Variants in NPC1 observed in about 807,000 individuals in gnomAD.
NPC1 encodes Niemann-Pick C1 protein.
NPC1 carries 85 observed loss-of-function variants against 140.4 expected under a neutral mutation model. The observed-to-expected ratio is 0.61, with a 90% CI of 0.51 to 0.72. The LOEUF is 0.72. NPC1 is among the 30% of genes least tolerant of loss of function. NPC1 has a pLI of 0.00. For synonymous variants in NPC1, 656 were observed against 624.8 expected (o/e 1.05, Z -0.74); for missense variants, 1,504 against 1,623.8 (o/e 0.93, Z 1.27).
At position 23,541,055 on chromosome 18, in the gene NPC1, G is replaced by A; in HGVS notation, c.2514+13C>T. The A allele has an allele frequency of 6.2e-7, 1 of 1,614,032 alleles. No homozygotes were observed. The highest frequency in any genetic ancestry group is 8.5e-7 in the Non-Finnish European group (1 of 1,179,924). ...AGTGAGAGGAAAGAGAAAAACCACA[G>A]ATAAGCGCATACCACAATTGGTCTC... On this transcript the variant is annotated intron_variant, in intron 16 of 24. Transcript: ENST00000269228.
intron 5 of NPC1, 122 bp from the exon 6 acceptor site, chr18:23,560,602 T>TTG (rs1240240467): frequency 1.9e-6 from 2 of 1,061,588 alleles, no homozygotes; most frequent in African/African-American, 3.2e-5. Context: ...AGAAAAAGAA[T>TTG]TGGAGGTTTT....
intron 3 of NPC1, chr18:23,516,140 C>T: frequency 7.4e-7 from 1 of 1,360,136 alleles, no homozygotes; most frequent in South Asian, 1.3e-5. Flanking sequence ...CTCTGTATAC[C>T]CGTCAGCTCC....
chr18:23,536,772 G>C lies in NPC1; in HGVS notation c.3146C>G (p.Ala1049Gly). The stretch of plus-strand genomic sequence containing the variant: ...TTTCTTCAGAGCGTCAATAAAGTCA[G>C]CAGAGGTCTGCAGCACGGTGTGGTA... ...MTYHTVLQTSADFIDALKKAR... is the reference protein window; with the variant it reads ...MTYHTVLQTSGDFIDALKKAR... The change falls in exon 21 of 25, where the codon GCT becomes GGT. Residue 1049 changes from alanine (A) to glycine (G), a missense_variant. Ala to Gly is a moderately conservative substitution (Grantham distance 60, BLOSUM62 0). Transcript: ENST00000269228. The C allele has an allele frequency of 6.2e-7, 1 of 1,614,188 alleles. No homozygotes were observed. The highest frequency in any genetic ancestry group is 1.1e-5 in the South Asian group (1 of 91,084).
chr18:23,577,558 C>G (rs1416028872), intron 1 of NPC1, among the ~76,000 whole-genome samples: 1 of 152,212 alleles, frequency 6.6e-6, no homozygotes, highest in East Asian at 1.9e-4. Context: ...AGAAGCCCAG[C>G]TGGCTTCACC....
At position 23,552,677 on chromosome 18, in the gene NPC1, G is replaced by A. The variant is rs146259459; in HGVS notation, c.1554-950C>T. Among the ~76,000 whole-genome samples, 54 of 152,284 alleles carry A rather than the reference G, an allele frequency of 3.5e-4. No homozygotes were observed. The East Asian group carries it at 8.7e-3, about 24-fold the overall frequency. On this transcript the variant is annotated intron_variant, in intron 9 of 24. Transcript: ENST00000269228. ...CAGTGGAGAGTGAACCAGCATTTTC[G>A]GACAGACCATCAGCTACAACTTGGC...
intron 11 of NPC1, among the ~76,000 whole-genome samples, chr18:23,547,342 C>T (rs2058803795): frequency 6.6e-6 from 1 of 152,120 alleles, no homozygotes; most frequent in South Asian, 2.1e-4. Context: ...TACAAATATA[C>T]ATCATGGACC....
downstream of NPC1, chr18:23,528,972 T>A (rs1479875103): frequency 1.5e-6 from 1 of 669,648 alleles, no homozygotes; most frequent in East Asian, 3.6e-5. Context: ...CTCTGCCTCC[T>A]GGGTTCAAGG....
Position 23,544,954 on chromosome 18 carries a change from GCTT to G in NPC1, c.1947+3_1947+5del. The G allele has an allele frequency of 8.3e-7, 1 of 1,204,600 alleles. No individual in the cohort carries two copies. The highest frequency in any genetic ancestry group is 2.8e-5 in the East Asian group (1 of 35,550). 74.6% of individuals were successfully genotyped at this position (1,204,600 alleles called of 1,614,324 possible). On this transcript the variant is annotated splice_donor_5th_base_variant and intron_variant, in intron 12 of 24. Coordinates refer to ENST00000269228, the MANE Select transcript of NPC1 (RefSeq NM_000271.5). ...CTAGAACATACACCACCCCCCCCCG[GCTT>G]ACCAGAAGCCTGCGACAGCTTTTCA...
At chr18:23,539,331 A>C in intron 19 of NPC1, 24 bp downstream of exon 19, 1 of 1,543,270 alleles carries the variant, frequency 6.5e-7, no homozygotes, top group Non-Finnish European at 9.0e-7. Context: ...CAAAACAGGA[A>C]AGATTTGGTA....
chr18:23,565,404 T>C (rs2059109664), intron 4 of NPC1, among the ~76,000 whole-genome samples: 2 of 152,230 alleles, frequency 1.3e-5, no homozygotes, highest in African/African-American at 4.8e-5. Flanking sequence ...TCAGCCAGGC[T>C]GGAGTGCAGT....
At chr18:23,547,902 G>T (rs865878470) in intron 11 of NPC1, 104 bp downstream of exon 11, 6 of 799,442 alleles carry the variant, frequency 7.5e-6, no homozygotes, top group Non-Finnish European at 1.4e-5. Context: ...ACGTAACTCA[G>T]ATCTGCCATT....
At chr18:23,530,704 A>G (rs2058468698), downstream of NPC1, 1 of 1,230,882 alleles carries the variant, frequency 8.1e-7, no homozygotes, top group Non-Finnish European at 1.1e-6. Context: ...CTGGGTTAGC[A>G]TTTTTGTAAA....
rs993533047 is a variant in NPC1 at position 23,572,159 on chromosome 18, A to G, written c.202T>C (p.Phe68Leu). ...LVQELCPGFF[F>L]GNVSLCCDVR... ...TCACAACAGAGACTGACATTGCCAA[A>G]GAAGAATCCTGGACAGAGTTCCTTT... The change falls in exon 3 of 25, where the codon TTT becomes CTT. Residue 68 changes from phenylalanine to leucine, a missense_variant. Transcript: ENST00000269228. The G allele has an allele frequency of 1.2e-6, 2 of 1,613,110 alleles. No homozygotes were observed. The highest frequency in any genetic ancestry group is 1.7e-5 in the Admixed American group (1 of 59,978).
chr18:23,514,584 A>G (rs774095323), intron 3 of NPC1, among the ~76,000 whole-genome samples: 2 of 151,628 alleles, frequency 1.3e-5, no homozygotes, highest in Non-Finnish European at 2.9e-5. Flanking sequence ...TGTAATGACC[A>G]ATAGGAGAAC....
chr18:23,524,482 G>C, downstream of NPC1: 1 of 1,613,990 alleles, frequency 6.2e-7, no homozygotes, highest in Non-Finnish European at 8.5e-7. Flanking sequence ...CGCAAGCCAA[G>C]GTAGGTCAGC....
At chr18:23,532,386 C>G in intron 24 of NPC1, 102 bp from the exon 25 acceptor site, 1 of 1,301,390 alleles carries the variant, frequency 7.7e-7, no homozygotes, top group African/African-American at 1.5e-5. Flanking sequence ...AAGACTGAGG[C>G]AGGAGAATTG....
chr18:23,547,876 C>A (rs1370848022), intron 11 of NPC1, 130 bp downstream of exon 11: 5 of 772,530 alleles, frequency 6.5e-6, no homozygotes, highest in Non-Finnish European at 9.5e-6. Context: ...ATCATTAGTA[C>A]CAAGTGAACA....
chr18:23,534,649 A>C, intron 22 of NPC1, 90 bp from the exon 23 acceptor site: 1 of 1,006,144 alleles, frequency 9.9e-7, no homozygotes, highest in Non-Finnish European at 1.5e-6. Context: ...CTAATTACCC[A>C]GGGCACCCTG....
At chr18:23,584,943 A>G (rs1432413285) in intron 1 of NPC1, among the ~76,000 whole-genome samples, 1 of 152,206 alleles carries the variant, frequency 6.6e-6, no homozygotes, top group Non-Finnish European at 1.5e-5. Flanking sequence ...GTGCTTTGGG[A>G]GGCCAAGGTG....
Sources: allele counts gnomAD v4.1 joint callset (sites outside exome capture counted in the v4.1 genomes callset), GRCh38; gene constraint gnomAD v4.1.1; transcripts MANE v1.5; gene names NCBI Gene and HGNC (gene_info 2026-07-23, HGNC 2026-07-21).